Variants in HS2ST1 observed in about 807,000 individuals in gnomAD.
HS2ST1 encodes the protein 2-O-sulfotransferase.
Under a neutral mutation model 42.9 loss-of-function variants are expected in HS2ST1, and 18 were observed. That is an observed-to-expected ratio of 0.42 (90% CI 0.29 to 0.62). HS2ST1 has a LOEUF of 0.62. Among genes scored for constraint, HS2ST1 ranks in the 20% least tolerant of loss-of-function variants. HS2ST1 has a pLI of 0.21. For synonymous variants in HS2ST1, 146 were observed against 152.9 expected, an observed-to-expected ratio of 0.95 and a Z score of 0.33; for missense variants, 334 against 433.8, an observed-to-expected ratio of 0.77 and a Z score of 2.04.
In HS2ST1 at chr1:87,108,805, T is replaced by TA. The variant is rs1652395270; in HGVS notation, c.*4110dup. ...CATTGATGCTGTCTATCTCATTTTT[T>TA]AGACAGTTTTTGTAGCTTTCTATTG... On this transcript the variant is annotated 3_prime_UTR_variant, in exon 7 of 7. Coordinates refer to ENST00000370550, the MANE Select transcript of HS2ST1 (RefSeq NM_012262.4). 6.6e-6 allele frequency: 1 copy of TA among 152,544 alleles called. No homozygotes were observed. Among genetic ancestry groups the TA allele is most frequent in the Non-Finnish European group, 1.5e-5 (1 of 67,952 alleles). 9.4% of individuals were successfully genotyped at this position (152,544 alleles called of 1,614,324 possible).
chr1:86,920,044 G>T (rs534903286), intron 1 of HS2ST1, among the ~76,000 whole-genome samples: 1 of 152,136 alleles, frequency 6.6e-6, no homozygotes, highest in African/African-American at 2.4e-5. Context: ...TTGACTGGTC[G>T]AACAGTGCAG....
chr1:86,942,247 G>C (rs1660778944), intron 1 of HS2ST1, among the ~76,000 whole-genome samples: 1 of 152,116 alleles, frequency 6.6e-6, no homozygotes, highest in African/African-American at 2.4e-5. Flanking sequence ...CTAGATTGTT[G>C]GCAGGCACAC....
Position 87,059,178 on chromosome 1 carries a change from TAC to T in HS2ST1, c.125-13755_125-13754del, listed in dbSNP as rs886395675. Among the ~76,000 whole-genome samples the T allele has an allele frequency of 7.2e-5, 11 of 152,186 alleles. No individual in the cohort carries two copies. In the South Asian group the frequency reaches 1.9e-3, roughly 26 times the overall value. On this transcript the variant is annotated intron_variant, in intron 1 of 6. Coordinates refer to ENST00000370550, the MANE Select transcript of HS2ST1 (RefSeq NM_012262.4). ...CTATTGGCACAGCCTAAAATTGCCA[TAC>T]GTTTTTTTGCAGCTGCTTCACATTA... is the stretch of plus-strand genomic sequence containing the variant.
At chr1:86,942,198 A>G (rs2102176718) in intron 1 of HS2ST1, among the ~76,000 whole-genome samples, 1 of 152,370 alleles carries the variant, frequency 6.6e-6, no homozygotes, top group African/African-American at 2.4e-5. Context: ...GCTTGTCGAC[A>G]AGGAACCATT....
rs1014494426 is a variant in HS2ST1 at position 87,075,921 on chromosome 1, G to A, written c.363+2749G>A. ...TGTTGTGTATGTAATATACACAAAG[G>A]TTGTACTACATTCTTTGGGGAAATA... On this transcript the variant is annotated intron_variant, in intron 2 of 6. Transcript: ENST00000370550. Among the ~76,000 whole-genome samples the A allele has an allele frequency of 2.0e-5, 3 of 152,228 alleles. No homozygotes were observed. In the East Asian group the frequency reaches 5.8e-4, roughly 29 times the overall value.
At chr1:87,002,495 T>G (rs912544862) in intron 1 of HS2ST1, among the ~76,000 whole-genome samples, 5 of 151,356 alleles carry the variant, frequency 3.3e-5, no homozygotes, top group African/African-American at 1.2e-4. Context: ...CTTGGGAGGC[T>G]GAGGTGGGAG....
intron 1 of HS2ST1, among the ~76,000 whole-genome samples, chr1:86,974,503 A>G (rs1648335950): frequency 6.6e-6 from 1 of 152,176 alleles, no homozygotes; most frequent in Non-Finnish European, 1.5e-5. Context: ...TGTCATAGTA[A>G]ATTATCAAAC....
At chr1:86,958,176 A>C (rs1221199343) in intron 1 of HS2ST1, among the ~76,000 whole-genome samples, 1 of 152,214 alleles carries the variant, frequency 6.6e-6, no homozygotes, top group Non-Finnish European at 1.5e-5. Flanking sequence ...CACAGTGGGA[A>C]ATCCACATGT....
At chr1:86,921,339 T>C (rs1227644766) in intron 1 of HS2ST1, among the ~76,000 whole-genome samples, 1 of 152,202 alleles carries the variant, frequency 6.6e-6, no homozygotes, top group Non-Finnish European at 1.5e-5. Context: ...TGTGATTAAG[T>C]ATATGCACAT....
intron 1 of HS2ST1, among the ~76,000 whole-genome samples, chr1:87,019,849 C>G (rs1301531454): frequency 1.3e-5 from 2 of 152,164 alleles, no homozygotes; most frequent in East Asian, 3.8e-4. Flanking sequence ...AATAATACTA[C>G]AATTTGATGA....
intron 1 of HS2ST1, among the ~76,000 whole-genome samples, chr1:86,941,292 C>T (rs994091790): frequency 2.0e-5 from 3 of 151,990 alleles, no homozygotes; most frequent in African/African-American, 4.8e-5. Context: ...ATATAATATT[C>T]CTCATTTTTT....
chr1:86,976,704 G>GTATATATATATATATAATATATATATA (rs1648414773), intron 1 of HS2ST1, among the ~76,000 whole-genome samples: 1 of 79,662 alleles, frequency 1.3e-5, no homozygotes, highest in African/African-American at 3.5e-5. Flanking sequence ...TTATAAAATT[G>GTATATATATATATATAATATATATATA]TATATATATA....
chr1:87,072,505 G>C (rs202203461), intron 1 of HS2ST1, among the ~76,000 whole-genome samples: 2 of 141,174 alleles, frequency 1.4e-5, no homozygotes, highest in Non-Finnish European at 3.1e-5. Context: ...ATCTTTGTGT[G>C]TTTGAGAATT....
At chr1:86,916,867 G>A (rs547674323) in intron 1 of HS2ST1, among the ~76,000 whole-genome samples, 3 of 152,242 alleles carry the variant, frequency 2.0e-5, no homozygotes, top group African/African-American at 7.2e-5. Context: ...TCTTAGACAC[G>A]TTACAGTGGG....
chr1:86,964,530 G>C (rs375993551), intron 1 of HS2ST1, among the ~76,000 whole-genome samples: 15 of 152,332 alleles, frequency 9.8e-5, no homozygotes, highest in South Asian at 6.2e-4. Context: ...CGCAGGCACT[G>C]GGCAGGCTGA....
intron 6 of HS2ST1, 139 bp downstream of exon 6, chr1:87,103,728 G>C (rs923175297): frequency 6.0e-5 from 40 of 666,070 alleles, no homozygotes; most frequent in Middle Eastern, 8.5e-4. Flanking sequence ...GTCGGTTTCT[G>C]CTCACTATTT....
intron 1 of HS2ST1, among the ~76,000 whole-genome samples, chr1:87,071,457 G>A (rs989952967): frequency 2.0e-5 from 3 of 152,206 alleles, no homozygotes; most frequent in South Asian, 2.1e-4. Context: ...ATAGCCGGGC[G>A]TAGGGGCTCA....
At chr1:86,966,178 A>G (rs755631132) in intron 1 of HS2ST1, among the ~76,000 whole-genome samples, 11 of 152,208 alleles carry the variant, frequency 7.2e-5, no homozygotes, top group Non-Finnish European at 1.2e-4. Context: ...TCCTCCTTCC[A>G]TGGTCCAAAT....
At chr1:87,044,233 A>G (rs952743089) in intron 1 of HS2ST1, among the ~76,000 whole-genome samples, 14 of 152,160 alleles carry the variant, frequency 9.2e-5, no homozygotes, top group Non-Finnish European at 2.9e-5. Context: ...TTAGCTTTCT[A>G]GTTGACACCA....
Sources: gnomAD v4.1 joint callset for allele counts (sites outside exome capture counted in the v4.1 genomes callset) on GRCh38, gnomAD v4.1.1 for gene constraint, MANE v1.5 for transcripts, NCBI Gene and HGNC (gene_info 2026-07-23, HGNC 2026-07-21) for gene names.